Variants in GAD2 observed in about 807,000 individuals in gnomAD.
GAD2 encodes the protein glutamate decarboxylase 2, also known as 65 kDa glutamic acid decarboxylase.
A neutral mutation model predicts 80.1 loss-of-function variants in GAD2; 22 were observed. That is an observed-to-expected ratio of 0.27 (90% confidence interval 0.20 to 0.39). The LOEUF (loss-of-function observed/expected upper bound fraction) is 0.39, where lower values mean the gene tolerates loss of function less well. Ranked by LOEUF, GAD2 falls within the 10% of genes least tolerant of loss-of-function variation. The pLI is 1.00. For synonymous variants in GAD2, 274 were observed against 256.9 expected (o/e 1.07, Z -0.64); for missense variants, 624 against 738.4 (o/e 0.85, Z 1.80).
At chr10:26,287,732 T>A (rs923722857) in intron 13 of GAD2, among the ~76,000 whole-genome samples, 11 of 152,244 alleles carry the variant, frequency 7.2e-5, no homozygotes, top group African/African-American at 2.7e-4. Flanking sequence ...CTCTTCATGG[T>A]TTTCCCTGGC....
rs1388620304 is a variant in GAD2, at chr10:26,286,460, A to G, written c.1352A>G (p.Asp451Gly). Reference protein sequence around the residue: ...DKALQCGRHVDVFKLWLMWRA... With the variant: ...DKALQCGRHVGVFKLWLMWRA... The stretch of plus-strand genomic sequence containing the variant: ...GCCTTACAGTGCGGACGCCACGTTG[A>G]TGTTTTTAAACTATGGCTGATGTGG... Residue 451 changes from aspartate to glycine, a missense_variant, in exon 13 of 16, where the codon GAT (aspartate) becomes GGT (glycine). Asp to Gly is a moderately conservative substitution (Grantham distance 94). Transcript: ENST00000376261. The G allele has an allele frequency of 6.2e-7, 1 of 1,613,672 alleles. No individual in the cohort carries two copies. The highest frequency in any genetic ancestry group is 1.3e-5 in the African/African-American group (1 of 74,906).
chr10:26,255,902 G>A (rs1410227909), intron 8 of GAD2, among the ~76,000 whole-genome samples: 1 of 151,704 alleles, frequency 6.6e-6, no homozygotes, highest in Admixed American at 6.6e-5. Flanking sequence ...GTGCAAGGAG[G>A]ACTGGGGAGG....
At position 26,217,026 on chromosome 10, in the gene GAD2, C is replaced by A; in HGVS notation, c.76+141C>A. 8.9e-6 allele frequency: 6 copies of A among 672,350 alleles called. No individual in the cohort carries two copies. The highest frequency in any genetic ancestry group is 1.9e-5 in the South Asian group (1 of 52,988). The allele number at this position is 672,350 out of a possible 1,614,324, so 41.6% of individuals were successfully genotyped here. A position where few individuals can be genotyped will look rare whatever the true frequency, so the allele number is the denominator to read the frequency against. ...GCTTCTCCCTGCTTTTGGGCTAAGT[C>A]CTTGACGGCCCAAGAGCTCAAGACC... On this transcript the variant is annotated intron_variant, in intron 1 of 15. Transcript: ENST00000376261. This position sits in a 1 kb window ranked among gnomAD's most constrained non-coding sequence, Gnocchi z 4.9.
intron 8 of GAD2, among the ~76,000 whole-genome samples, chr10:26,264,266 A>T (rs1291454674): frequency 6.6e-6 from 1 of 151,504 alleles, no homozygotes; most frequent in Non-Finnish European, 1.5e-5. Context: ...CAGTTAGCAT[A>T]TATGATCTGT....
At chr10:26,253,629 CT>C (rs1338317166) in intron 8 of GAD2, among the ~76,000 whole-genome samples, 2 of 152,292 alleles carry the variant, frequency 1.3e-5, no homozygotes, top group East Asian at 3.9e-4. Context: ...AAGTGAGCTC[CT>C]GTGAGCTCCA....
At chr10:26,239,512 G>A (rs1024774090) in intron 7 of GAD2, among the ~76,000 whole-genome samples, 3 of 152,160 alleles carry the variant, frequency 2.0e-5, no homozygotes, top group Non-Finnish European at 2.9e-5. Context: ...ACATTTCCCC[G>A]GACTTGTTAT....
At chr10:26,226,321 C>T (rs752213016) in intron 6 of GAD2, among the ~76,000 whole-genome samples, 11 of 152,282 alleles carry the variant, frequency 7.2e-5, no homozygotes, top group African/African-American at 2.6e-4. Context: ...TTACCCTCCA[C>T]CCTCACTGAT....
intron 15 of GAD2, among the ~76,000 whole-genome samples, chr10:26,294,342 T>C (rs1382251617): frequency 6.6e-6 from 1 of 151,900 alleles, no homozygotes; most frequent in Non-Finnish European, 1.5e-5. Flanking sequence ...AAAGCTTTTA[T>C]GTGTTAACAT....
In GAD2 at chr10:26,286,325, T is replaced by C; in HGVS notation, c.1237-20T>C. 6.3e-7 allele frequency: 1 copy of C among 1,596,650 alleles called. No individual in the cohort carries two copies. The highest frequency in any genetic ancestry group is 1.8e-5 in the Admixed American group (1 of 54,590). On this transcript the variant is annotated intron_variant, in intron 12 of 15. Transcript: ENST00000376261. ...TAAGTAGTCAGTAGAATTTCCTAAATTTTCTCTTCTCTCTTGTAGGGATTG... is the reference window on the plus strand; with the variant it reads ...TAAGTAGTCAGTAGAATTTCCTAAACTTTCTCTTCTCTCTTGTAGGGATTG...
intron 8 of GAD2, among the ~76,000 whole-genome samples, chr10:26,246,450 CAG>C (rs1589142895): frequency 6.6e-6 from 1 of 152,160 alleles, no homozygotes; most frequent in African/African-American, 2.4e-5. Context: ...CCAGAGGACT[CAG>C]GGGAAATCCC....
intron 13 of GAD2, among the ~76,000 whole-genome samples, chr10:26,289,605 T>C (rs1349554376): frequency 1.3e-5 from 2 of 151,918 alleles, no homozygotes; most frequent in Non-Finnish European, 2.9e-5. Flanking sequence ...TTTATTATCA[T>C]CAGCAAAGGC....
intron 4 of GAD2, 24 bp downstream of exon 4, chr10:26,219,300 A>C: frequency 7.3e-7 from 1 of 1,373,480 alleles, no homozygotes; most frequent in Non-Finnish European, 1.0e-6. Context: ...GAAAATAATA[A>C]AGCTCTTTTT....
At position 26,224,646 on chromosome 10, in the gene GAD2, C is replaced by G; in HGVS notation, c.719C>G (p.Ser240Cys). 6.2e-7 allele frequency: 1 copy of G among 1,601,028 alleles called. No individual in the cohort carries two copies. Among genetic ancestry groups the G allele is most frequent in the South Asian group, 1.1e-5 (1 of 90,822 alleles). Residue 240 changes from serine (S) to cysteine (C), a missense_variant, in exon 6 of 16, where the codon TCT (serine) becomes TGT (cysteine). Physicochemically the swap from Ser to Cys is moderately radical, Grantham distance 112. Transcript: ENST00000376261. ...GGGGGCTCTGGCGATGGGATATTTT[C>G]TCCCGGTACATGATATTTCAACTTT... Reference protein sequence around the residue: ...WPGGSGDGIFSPGGAISNMYA... With the variant: ...WPGGSGDGIFCPGGAISNMYA...
intron 7 of GAD2, among the ~76,000 whole-genome samples, chr10:26,237,010 T>C (rs1844680274): frequency 6.6e-6 from 1 of 152,222 alleles, no homozygotes; most frequent in African/African-American, 2.4e-5. Flanking sequence ...GAGGCAAAGC[T>C]GTGAGGTGCT....
rs1844577343 is a variant in GAD2 at position 26,229,856 on chromosome 10, T to A, written c.840+79T>A. ...TTAAGGAGTGATGGCTGGAAATGCA[T>A]TATCCCCAGAGGCCCTCTTTCTGGA... On this transcript the variant is annotated intron_variant, in intron 7 of 15. Coordinates refer to ENST00000376261, the MANE Select transcript of GAD2 (RefSeq NM_001134366.2). The A allele has an allele frequency of 7.6e-6, 8 of 1,057,530 alleles. No individual in the cohort carries two copies. The Admixed American group carries it at 1.6e-4, about 21-fold the overall frequency. 65.5% of individuals were successfully genotyped at this position (1,057,530 alleles called of 1,614,324 possible). A position where few individuals can be genotyped will look rare whatever the true frequency, so the allele number is the denominator to read the frequency against.
chr10:26,278,015 A>G (rs1845231531), intron 11 of GAD2, among the ~76,000 whole-genome samples: 1 of 152,168 alleles, frequency 6.6e-6, no homozygotes, highest in South Asian at 2.1e-4. Context: ...TAAATTGCCA[A>G]CATTTCTGAA....
Position 26,270,775 on chromosome 10 carries a change from C to A in GAD2, c.1092+19C>A. 1 of 1,489,456 alleles carries A rather than the reference C, an allele frequency of 6.7e-7. No homozygotes were observed. The highest frequency in any genetic ancestry group is 9.4e-7 in the Non-Finnish European group (1 of 1,066,850). 92.3% of individuals were successfully genotyped at this position (1,489,456 alleles called of 1,614,324 possible). On this transcript the variant is annotated intron_variant, in intron 10 of 15. Coordinates refer to ENST00000376261, the MANE Select transcript of GAD2 (RefSeq NM_001134366.2). ...TGTGGATGTAAGTATCCCTTAGGGA[C>A]TGGCCACTAAAACGTCCTTGCACGT... is the stretch of plus-strand genomic sequence containing the variant.
At chr10:26,292,862 C>A in intron 14 of GAD2, 40 bp from the exon 15 acceptor site, 1 of 1,547,922 alleles carries the variant, frequency 6.5e-7, no homozygotes, top group Non-Finnish European at 8.9e-7. Flanking sequence ...TCAAAATTGC[C>A]AGCCTGGGCC....
chr10:26,263,415 G>A (rs150284403), intron 8 of GAD2, among the ~76,000 whole-genome samples: 1 of 152,262 alleles, frequency 6.6e-6, no homozygotes, highest in African/African-American at 2.4e-5. Context: ...GGTCAGTTTT[G>A]ACTTTTGTTA....
Sources: gnomAD v4.1 joint callset for allele counts (sites outside exome capture counted in the v4.1 genomes callset) on GRCh38, gnomAD v4.1.1 for gene constraint, Gnocchi (gnomAD v3.1) non-coding constraint, MANE v1.5 for transcripts, NCBI Gene and HGNC (gene_info 2026-07-23, HGNC 2026-07-21) for gene names.